The following POT1 variants were observed in gnomAD, a reference collection of about 807,000 sequenced individuals.
The protein encoded by POT1 is protection of telomeres 1, also known as protection of telomeres protein 1.
A neutral mutation model predicts 78.5 loss-of-function variants in POT1; 47 were observed. The ratio of observed to expected loss-of-function variants is 0.60; its 90% CI spans 0.47 to 0.76. The LOEUF (loss-of-function observed/expected upper bound fraction) is 0.76, where lower values mean the gene tolerates loss of function less well. POT1 is among the 30% of genes least tolerant of loss of function. The pLI is 0.00. For synonymous variants in POT1, 259 were observed against 260.7 expected (o/e 0.99, Z 0.06); for missense variants, 646 against 749.9 (o/e 0.86, Z 1.62).
At chr7:124,892,204 C>T (rs1265381624) in intron 6 of POT1, 62 bp downstream of exon 6, 4 of 1,016,534 alleles carry the variant, frequency 3.9e-6, no homozygotes, top group Admixed American at 5.4e-5. Flanking sequence ...ACAGATGGAA[C>T]CGTGTTCCTA....
intron 3 of POT1, among the ~76,000 whole-genome samples, chr7:124,899,921 T>C (rs183338255): frequency 2.2e-4 from 33 of 152,076 alleles, no homozygotes; most frequent in Non-Finnish European, 4.1e-4. Flanking sequence ...TGAAGAAAAA[T>C]TTTGAAAAGA....
chr7:124,870,837 G>A, intron 7 of POT1, 74 bp downstream of exon 7: 8 of 1,242,516 alleles, frequency 6.4e-6, no homozygotes, highest in Non-Finnish European at 8.5e-6. Context: ...TATATAATTA[G>A]TGCTAACTAG....
chr7:124,824,377 T>C lies in POT1; in HGVS notation c.1793-303A>G, dbSNP rs929365. ...TAAAAATCTAAAATAGTGGTTACAA[T>C]GGGTCTACCAGGCCCATGCTTTTGG... On this transcript the variant is annotated intron_variant, in intron 18 of 18. Coordinates refer to ENST00000357628, the MANE Select transcript of POT1 (RefSeq NM_015450.3). Among the ~76,000 whole-genome samples, 5,230 of 152,112 alleles carry C rather than the reference T, an allele frequency of 0.034. 116 individuals carry two copies. Among genetic ancestry groups the C allele is most frequent in the Non-Finnish European group, 0.052 (3,563 of 67,926 alleles).
intron 2 of POT1, among the ~76,000 whole-genome samples, chr7:124,924,440 T>C (rs1274482471): frequency 6.6e-6 from 1 of 151,890 alleles, no homozygotes; most frequent in Non-Finnish European, 1.5e-5. Context: ...AGAAAGAGAA[T>C]TCCTGAACAG....
intron 15 of POT1, 131 bp downstream of exon 15, chr7:124,835,148 C>T (rs1035999789): frequency 3.2e-5 from 34 of 1,062,294 alleles, no homozygotes; most frequent in East Asian, 5.3e-5. Context: ...ATGCAGGTGA[C>T]GGGTTGATGG....
rs761372337 is a variant in POT1, at chr7:124,822,544, A to C, written c.*1418T>G. ...TTTGGACCTCTACTCTTCTAGATTG[A>C]GGGCTTCCTGAAGGCAGAAAAAATG... On this transcript the variant is annotated 3_prime_UTR_variant, in exon 19 of 19. Transcript: ENST00000357628. 1 of 455,802 alleles carries C rather than the reference A, an allele frequency of 2.2e-6. No homozygotes were observed. The highest frequency in any genetic ancestry group is 1.6e-5 in the South Asian group (1 of 64,412). The allele number at this position is 455,802 out of a possible 1,614,324, so 28.2% of individuals were successfully genotyped here.
intron 4 of POT1, among the ~76,000 whole-genome samples, 181 bp from the exon 5 acceptor site, chr7:124,897,393 TAA>T (rs11329934): frequency 7.3e-5 from 11 of 150,096 alleles, no homozygotes; most frequent in Non-Finnish European, 1.2e-4. Flanking sequence ...TACAGAAACT[TAA>T]AAAAAAAAGG....
intron 17 of POT1, among the ~76,000 whole-genome samples, chr7:124,825,750 A>C (rs1794615300): frequency 6.6e-6 from 1 of 152,130 alleles, no homozygotes; most frequent in Admixed American, 6.5e-5. Flanking sequence ...TATAAGTTTC[A>C]AGAAGGAAGG....
chr7:124,904,607 A>T (rs1297311102), intron 3 of POT1, among the ~76,000 whole-genome samples: 1 of 152,072 alleles, frequency 6.6e-6, no homozygotes, highest in East Asian at 1.9e-4. Flanking sequence ...GCCCTCTCTC[A>T]CCACTCCCAG....
At chr7:124,891,502 T>A (rs529789965) in intron 6 of POT1, among the ~76,000 whole-genome samples, 2 of 151,716 alleles carry the variant, frequency 1.3e-5, no homozygotes, top group African/African-American at 4.8e-5. Flanking sequence ...GTAATTTAAT[T>A]CATTTATAAT....
At chr7:124,923,527 G>A (rs1797201290) in intron 2 of POT1, among the ~76,000 whole-genome samples, 1 of 151,726 alleles carries the variant, frequency 6.6e-6, no homozygotes, top group African/African-American at 2.4e-5. Context: ...GAGATGTCCA[G>A]GACTACATAA....
intron 9 of POT1, among the ~76,000 whole-genome samples, chr7:124,854,235 T>C (rs1337549679): frequency 1.3e-5 from 2 of 152,022 alleles, no homozygotes; most frequent in African/African-American, 4.8e-5. Context: ...GAAATTCATT[T>C]ATGTTTCACA....
At chr7:124,910,404 C>T (rs2116683658) in intron 3 of POT1, among the ~76,000 whole-genome samples, 1 of 151,956 alleles carries the variant, frequency 6.6e-6, no homozygotes, top group Admixed American at 6.6e-5. Flanking sequence ...GGGTTATCTT[C>T]ATAATAAAAG....
chr7:124,871,085 A>T, intron 6 of POT1, 44 bp from the exon 7 acceptor site: 1 of 1,504,748 alleles, frequency 6.6e-7, no homozygotes, highest in Non-Finnish European at 9.0e-7. Flanking sequence ...AATATTTTAA[A>T]GCATTTGATA....
At chr7:124,926,138 A>G (rs1469444435) in intron 2 of POT1, among the ~76,000 whole-genome samples, 15 of 152,164 alleles carry the variant, frequency 9.9e-5, no homozygotes, top group Admixed American at 9.2e-4. Flanking sequence ...CTTCTGTGCT[A>G]CAAAAGAAAT....
At chr7:124,830,422 C>T (rs1794731919) in intron 15 of POT1, among the ~76,000 whole-genome samples, 2 of 152,226 alleles carry the variant, frequency 1.3e-5, no homozygotes, top group South Asian at 4.1e-4. Context: ...CACATTACAT[C>T]TTATACCCTT....
At chr7:124,846,229 TCATA>T (rs1002136531) in intron 12 of POT1, among the ~76,000 whole-genome samples, 24 of 152,030 alleles carry the variant, frequency 1.6e-4, no homozygotes, top group African/African-American at 4.8e-4. Flanking sequence ...TATATGCGTA[TCATA>T]CATACACACA....
At chr7:124,880,536 C>CT (rs1460938956) in intron 6 of POT1, among the ~76,000 whole-genome samples, 8 of 151,988 alleles carry the variant, frequency 5.3e-5, no homozygotes, top group Non-Finnish European at 1.2e-4. Flanking sequence ...AATGTAATGA[C>CT]TACAGAAAAC....
chr7:124,835,424 GAATA>G lies in POT1; in HGVS notation c.1370-14_1370-11del, dbSNP rs762368597. The G allele has an allele frequency of 5.0e-6, 8 of 1,608,366 alleles. No homozygotes were observed. Among genetic ancestry groups the G allele is most frequent in the Non-Finnish European group, 6.8e-6 (8 of 1,175,212 alleles). ...TCACTGAGTGTACCTCCTGTTAAGA[GAATA>G]AATAAATCCTTCAAGTAGTGCAAAT... On this transcript the variant is annotated splice_polypyrimidine_tract_variant and intron_variant, in intron 14 of 18. Transcript: ENST00000357628.
Sources: allele counts gnomAD v4.1 joint callset (sites outside exome capture counted in the v4.1 genomes callset), GRCh38; gene constraint gnomAD v4.1.1; transcripts MANE v1.5; gene names NCBI Gene and HGNC (gene_info 2026-07-23, HGNC 2026-07-21).